The following KALRN variants were observed in gnomAD, a reference collection of about 807,000 sequenced individuals.
KALRN encodes the protein kalirin RhoGEF kinase, also known as kalirin.
In KALRN, 70 loss-of-function variants were observed where a neutral mutation model predicts 353.7. The observed-to-expected ratio is 0.20, with a 90% CI of 0.16 to 0.24. KALRN has a LOEUF of 0.24. Ranked by LOEUF, KALRN falls within the 10% of genes least tolerant of loss-of-function variation. The pLI, the probability that KALRN is intolerant of heterozygous loss-of-function variation, is 1.00. For missense variants in KALRN, 2,791 were observed against 3,756.7 expected (o/e 0.74, Z 6.72); for synonymous variants, 1,391 against 1,434.8 (o/e 0.97, Z 0.69).
At chr3:124,708,106 G>T (rs987679942) in intron 57 of KALRN, among the ~76,000 whole-genome samples, 4 of 152,214 alleles carry the variant, frequency 2.6e-5, no homozygotes, top group African/African-American at 9.6e-5. Context: ...AGAACTTGCA[G>T]TCTGAACCTA....
chr3:124,683,387 A>C lies in KALRN; in HGVS notation c.7377+3870A>C, dbSNP rs530862024. On this transcript the variant is annotated intron_variant, in intron 51 of 59. Transcript: ENST00000682506. ...CAGGTGAGGCAGGTTTCCACCTTTG[A>C]AAAGTTGTCTGAGAACTGTGTCAAT... Among the ~76,000 whole-genome samples, 3 of 152,210 alleles carry C rather than the reference A, an allele frequency of 2.0e-5. No individual in the cohort carries two copies. In the East Asian group the frequency reaches 5.8e-4, roughly 29 times the overall value.
chr3:124,280,189 C>G (rs2075198890), intron 5 of KALRN, among the ~76,000 whole-genome samples: 1 of 152,208 alleles, frequency 6.6e-6, no homozygotes, highest in African/African-American at 2.4e-5. Context: ...TGGCAGAACT[C>G]CCTTCCAGAT....
chr3:124,704,635 C>T (rs2062508558), intron 57 of KALRN, among the ~76,000 whole-genome samples: 1 of 152,112 alleles, frequency 6.6e-6, no homozygotes, highest in Non-Finnish European at 1.5e-5. Flanking sequence ...GCAGTTTCGA[C>T]CTTCCAGGCT....
chr3:124,558,574 C>T (rs1247410633), intron 33 of KALRN, among the ~76,000 whole-genome samples: 1 of 152,234 alleles, frequency 6.6e-6, no homozygotes, highest in Non-Finnish European at 1.5e-5. Context: ...CCACTGCGCC[C>T]AGCCCAGAAC....
At chr3:124,677,309 G>A (rs1395878352) in intron 49 of KALRN, 1 of 205,900 alleles carries the variant, frequency 4.9e-6, no homozygotes, top group African/African-American at 2.4e-5. Flanking sequence ...TTGTGACTTG[G>A]CTTTTGGTAT....
chr3:124,710,430 A>G (rs780730183), intron 57 of KALRN, among the ~76,000 whole-genome samples: 35 of 152,236 alleles, frequency 2.3e-4, no homozygotes, highest in African/African-American at 6.3e-4. Context: ...AAAGCATACT[A>G]TTGAGAGTCA....
At chr3:124,662,189 AATTCTTT>A (rs2084963644) in intron 45 of KALRN, among the ~76,000 whole-genome samples, 1 of 141,780 alleles carries the variant, frequency 7.1e-6, no homozygotes, top group East Asian at 2.1e-4. Context: ...AAAGACCCAG[AATTCTTT>A]TTTTTTTTTT....
chr3:124,276,824 T>G (rs1051514817), intron 5 of KALRN, among the ~76,000 whole-genome samples: 11 of 152,184 alleles, frequency 7.2e-5, no homozygotes, highest in African/African-American at 2.7e-4. Context: ...TGGGCACGTA[T>G]AGGGGCATCA....
At chr3:124,126,503 C>T (rs2064692202) in intron 1 of KALRN, among the ~76,000 whole-genome samples, 1 of 152,124 alleles carries the variant, frequency 6.6e-6, no homozygotes, top group African/African-American at 2.4e-5. Flanking sequence ...ATCCCCTGGC[C>T]ACTCTTCTCC....
intron 9 of KALRN, among the ~76,000 whole-genome samples, chr3:124,335,794 C>T (rs2081078485): frequency 6.6e-6 from 1 of 152,140 alleles, no homozygotes; most frequent in African/African-American, 2.4e-5. Flanking sequence ...AATTCACTCT[C>T]CTTTCATTCT....
intron 25 of KALRN, among the ~76,000 whole-genome samples, chr3:124,472,663 A>AAAGT (rs2061052753): frequency 6.6e-6 from 1 of 152,014 alleles, no homozygotes; most frequent in African/African-American, 2.4e-5. Flanking sequence ...TCTCAACAGA[A>AAAGT]AAGTATATTT....
At chr3:124,459,596 T>C (rs970210688) in intron 23 of KALRN, among the ~76,000 whole-genome samples, 7 of 152,176 alleles carry the variant, frequency 4.6e-5, no homozygotes, top group East Asian at 3.9e-4. Context: ...TTACAGAGCA[T>C]TGGACAGGGT....
chr3:124,300,361 ATTG>A (rs1407420509), intron 6 of KALRN, among the ~76,000 whole-genome samples: 2 of 152,198 alleles, frequency 1.3e-5, no homozygotes, highest in Non-Finnish European at 1.5e-5. Context: ...AGGTTTGTTT[ATTG>A]TTCCTACCAC....
At chr3:124,513,388 G>T (rs1295224302) in intron 33 of KALRN, among the ~76,000 whole-genome samples, 1 of 152,104 alleles carries the variant, frequency 6.6e-6, no homozygotes, top group African/African-American at 2.4e-5. Context: ...CAGAGGGAGG[G>T]GTTCCCAGAG....
chr3:124,139,562 G>A (rs55686857), intron 1 of KALRN, among the ~76,000 whole-genome samples: 7,328 of 152,214 alleles, frequency 0.048, 255 homozygotes, highest in Non-Finnish European at 0.07. Context: ...TAGGGACAAG[G>A]AGGGTTTGTA....
chr3:124,532,475 T>C (rs1222056054), intron 33 of KALRN, among the ~76,000 whole-genome samples: 1 of 152,204 alleles, frequency 6.6e-6, no homozygotes, highest in Non-Finnish European at 1.5e-5. Context: ...GTATATGAGC[T>C]TTGAAAAATG....
chr3:124,524,423 G>A (rs2067414659), intron 33 of KALRN, among the ~76,000 whole-genome samples: 2 of 152,282 alleles, frequency 1.3e-5, no homozygotes, highest in Middle Eastern at 3.4e-3. Context: ...CATTCCATGT[G>A]TGGACCATGG....
intron 31 of KALRN, among the ~76,000 whole-genome samples, chr3:124,492,510 A>G (rs1439566472): frequency 1.3e-5 from 2 of 151,912 alleles, no homozygotes; most frequent in Admixed American, 1.3e-4. Context: ...TTTGACAGTT[A>G]CTCCCGTACA....
At chr3:124,456,790 A>G (rs957571483) in intron 23 of KALRN, 62 bp downstream of exon 23, 6 of 1,133,572 alleles carry the variant, frequency 5.3e-6, no homozygotes, top group African/African-American at 1.5e-5. Context: ...TTTCACCGCT[A>G]CTTGTCCCTT....
Sources: allele counts gnomAD v4.1 joint callset (sites outside exome capture counted in the v4.1 genomes callset), GRCh38; gene constraint gnomAD v4.1.1; transcripts MANE v1.5; gene names NCBI Gene and HGNC (gene_info 2026-07-23, HGNC 2026-07-21).